The following RNF19B variants were observed in gnomAD, a reference collection of about 807,000 sequenced individuals.
RNF19B encodes ring finger protein 19B.
A neutral mutation model predicts 65.5 loss-of-function variants in RNF19B; 23 were observed. The ratio of observed to expected loss-of-function variants is 0.35; its 90% CI spans 0.25 to 0.50. The LOEUF (loss-of-function observed/expected upper bound fraction) is 0.50. RNF19B is among the 20% of genes least tolerant of loss of function. The pLI is 0.98. For missense variants in RNF19B, 794 were observed against 980.0 expected (o/e 0.81, Z 2.53); for synonymous variants, 372 against 379.6 (o/e 0.98, Z 0.23).
At chr1:32,957,774 C>T (rs552794807) in intron 1 of RNF19B, among the ~76,000 whole-genome samples, 107 of 152,292 alleles carry the variant, frequency 7.0e-4, no homozygotes, top group African/African-American at 2.6e-3. Context: ...GCAGAGGTTG[C>T]AGTGAGCTGA....
intron 1 of RNF19B, among the ~76,000 whole-genome samples, chr1:32,961,366 CAG>C (rs913347620): frequency 6.6e-6 from 1 of 152,166 alleles, no homozygotes; most frequent in Non-Finnish European, 1.5e-5. Context: ...CTTTTTAAAA[CAG>C]GGGCTGAATG....
At position 32,964,410 on chromosome 1, in the gene RNF19B, G is replaced by GGCCTCC; in HGVS notation, c.270_275dup (p.Glu91_Ala92dup). On this transcript the variant is annotated inframe_insertion, in exon 1 of 9. Transcript: ENST00000235150. The surrounding 1 kb of genome is among the most constrained non-coding windows in gnomAD (Gnocchi z 6.5). Reference sequence around the variant, plus strand: ...ACCCAGGCTCCGCCGCCGCCGCCGCGGCCTCCGCCTCGGCCTCGGCGGCCG... The same window carrying GGCCTCC: ...ACCCAGGCTCCGCCGCCGCCGCCGCGGCCTCCGCCTCCGCCTCGGCCTCGGCGGCCG... The GGCCTCC allele has an allele frequency of 7.9e-7, 1 of 1,267,422 alleles. No individual in the cohort carries two copies. Among genetic ancestry groups the GGCCTCC allele is most frequent in the Non-Finnish European group, 9.9e-7 (1 of 1,009,420 alleles). The allele number at this position is 1,267,422 out of a possible 1,614,324, so 78.5% of individuals were successfully genotyped here. A position where few individuals can be genotyped will look rare whatever the true frequency, so the allele number is the denominator to read the frequency against.
At chr1:32,951,959 T>G (rs1168957018) in intron 1 of RNF19B, among the ~76,000 whole-genome samples, 1 of 71,302 alleles carries the variant, frequency 1.4e-5, no homozygotes, top group Non-Finnish European at 2.9e-5. Flanking sequence ...CACGCCCGGC[T>G]TTTTTTTTTT....
chr1:32,938,568 G>C (rs749435826), intron 7 of RNF19B, 40 bp from the exon 8 acceptor site: 1 of 1,600,630 alleles, frequency 6.2e-7, no homozygotes, highest in South Asian at 1.1e-5. Flanking sequence ...ATGAGACCTG[G>C]GTATTCCAAG....
At chr1:32,956,235 C>A (rs780308655) in intron 1 of RNF19B, among the ~76,000 whole-genome samples, 9 of 152,030 alleles carry the variant, frequency 5.9e-5, no homozygotes, top group Non-Finnish European at 1.2e-4. Context: ...GGCATGGTGG[C>A]GTGCACTTGT....
At chr1:32,946,212 G>C (rs1237185805) in intron 4 of RNF19B, among the ~76,000 whole-genome samples, 190 bp downstream of exon 4, 2 of 152,122 alleles carry the variant, frequency 1.3e-5, no homozygotes, top group Admixed American at 1.3e-4. Flanking sequence ...GCCAGGCCCA[G>C]GATGTTAATA....
At chr1:32,947,638 G>T (rs781381230) in intron 3 of RNF19B, among the ~76,000 whole-genome samples, 123 of 148,862 alleles carry the variant, frequency 8.3e-4, no homozygotes, top group Non-Finnish European at 1.6e-3. Context: ...CAGCCTGGGC[G>T]ACAGAGAGAA....
At chr1:32,932,860 T>A (rs1297984561), downstream of RNF19B, among the ~76,000 whole-genome samples, 1 of 152,260 alleles carries the variant, frequency 6.6e-6, no homozygotes, top group African/African-American at 2.4e-5. Context: ...CTATGCTTTT[T>A]TGGAAACAGA....
chr1:32,934,339 TG>T (rs775503919), downstream of RNF19B, among the ~76,000 whole-genome samples: 3 of 152,192 alleles, frequency 2.0e-5, no homozygotes, highest in Non-Finnish European at 4.4e-5. Context: ...ATTTTTCCTC[TG>T]GGCCCAGGAC....
At chr1:32,930,221 T>G in the RNF19B span, among the ~76,000 whole-genome samples, 3 of 150,584 alleles carry the variant, frequency 2.0e-5, no homozygotes, top group Non-Finnish European at 4.4e-5. Flanking sequence ...GAGATTCTCA[T>G]GCCTCAGCCT....
At chr1:32,946,209 C>T (rs1642364905) in intron 4 of RNF19B, among the ~76,000 whole-genome samples, 193 bp downstream of exon 4, 1 of 151,958 alleles carries the variant, frequency 6.6e-6, no homozygotes, top group South Asian at 2.1e-4. Flanking sequence ...CAAGCCAGGC[C>T]CAGGATGTTA....
Position 32,964,408 on chromosome 1 carries a change from G to GCGGCCTCCGCCT in RNF19B, c.266_277dup (p.Glu89_Ala92dup), listed in dbSNP as rs1553146957. The GCGGCCTCCGCCT allele has an allele frequency of 2.3e-6, 3 of 1,277,284 alleles. No individual in the cohort carries two copies. The highest frequency in any genetic ancestry group is 3.0e-6 in the Non-Finnish European group (3 of 1,013,750). 79.1% of individuals were successfully genotyped at this position (1,277,284 alleles called of 1,614,324 possible). On this transcript the variant is annotated inframe_insertion, in exon 1 of 9. Coordinates refer to ENST00000235150, the MANE Select transcript of RNF19B (RefSeq NM_001300826.2). The surrounding 1 kb of genome is among the most constrained non-coding windows in gnomAD (Gnocchi z 6.5). ...GAACCCAGGCTCCGCCGCCGCCGCC[G>GCGGCCTCCGCCT]CGGCCTCCGCCTCGGCCTCGGCGGC...
At chr1:32,938,129 G>A (rs1642146412) in intron 8 of RNF19B, among the ~76,000 whole-genome samples, 1 of 78,936 alleles carries the variant, frequency 1.3e-5, no homozygotes, top group African/African-American at 6.2e-5. Context: ...TGTTGCAATA[G>A]CCAAGAAAGA....
At chr1:32,939,829 G>T (rs555384949) in intron 7 of RNF19B, among the ~76,000 whole-genome samples, 11 of 152,298 alleles carry the variant, frequency 7.2e-5, no homozygotes, top group African/African-American at 2.4e-4. Context: ...AGAACAGCTG[G>T]ACTGGCTAAG....
chr1:32,963,070 A>G (rs763816230), intron 1 of RNF19B, among the ~76,000 whole-genome samples: 1 of 152,094 alleles, frequency 6.6e-6, no homozygotes, highest in Non-Finnish European at 1.5e-5. Context: ...CAGAAACACA[A>G]TTTCTCCTAT....
chr1:32,963,740 AAAAG>A (rs1161079320), intron 1 of RNF19B, among the ~76,000 whole-genome samples: 1 of 151,446 alleles, frequency 6.6e-6, no homozygotes, highest in African/African-American at 2.4e-5. Context: ...GAAAAAAAAA[AAAAG>A]ATACTGTCCT....
rs764615008 is a variant in RNF19B at position 32,942,260 on chromosome 1, T to A, written c.1602A>T (p.Lys534Asn). The change falls in exon 7 of 9, where the codon AAA becomes AAT. Residue 534 changes from lysine to asparagine, a missense_variant. Physicochemically the swap from Lys to Asn is moderately conservative, Grantham distance 94. Around this residue, in one of 3 missense-constraint regions of RNF19B, gnomAD observed 368 missense variants for 447.3 expected, o/e 0.82. Coordinates refer to ENST00000235150, the MANE Select transcript of RNF19B (RefSeq NM_001300826.2). ...SGGILSSGKG[K>N]YSRLEVQADV... ...ATTATCTATTTGTTTACCTGCTATA[T>A]TTTCCCTTGCCACTGGAGAGAATGC... 3.7e-6 allele frequency: 6 copies of A among 1,606,714 alleles called. No individual in the cohort carries two copies. In the South Asian group the frequency reaches 6.6e-5, roughly 18 times the overall value.
downstream of RNF19B, among the ~76,000 whole-genome samples, chr1:32,934,538 G>A (rs56736845): frequency 0.02 from 3,018 of 152,056 alleles, 54 homozygotes; most frequent in African/African-American, 0.048. Flanking sequence ...AAAATTAGCC[G>A]GGTGTGGTGG....
chr1:32,942,430 G>A lies in RNF19B; in HGVS notation c.1432C>T (p.Pro478Ser), dbSNP rs759442240. ...TCAATGCTGCTTTCCCCAATGCTGG[G>A]ATTCTTGAGGGCTCTCCAGGCATCT... Reference protein sequence around the residue: ...VADAWRALKNPSIGESSIEGL... With the variant: ...VADAWRALKNSSIGESSIEGL... The change falls in exon 7 of 9, where the codon CCC (proline) becomes TCC (serine). Residue 478 changes from proline to serine, a missense_variant. By Grantham distance (74) the Pro-to-Ser change is moderately conservative. Transcript: ENST00000235150. 2 of 1,614,144 alleles carry A rather than the reference G, an allele frequency of 1.2e-6. No homozygotes were observed. The highest frequency in any genetic ancestry group is 2.2e-5 in the South Asian group (2 of 91,076).
Sources: allele counts gnomAD v4.1 joint callset (sites outside exome capture counted in the v4.1 genomes callset), GRCh38; gene constraint gnomAD v4.1.1; regional missense constraint gnomAD v4.1.1; non-coding constraint Gnocchi (gnomAD v3.1); transcripts MANE v1.5; gene names NCBI Gene and HGNC (gene_info 2026-07-23, HGNC 2026-07-21).